Variants in EYA4 observed in about 807,000 individuals in gnomAD.
EYA4 encodes the protein protein phosphatase EYA4.
EYA4 carries 31 observed loss-of-function variants against 87.9 expected under a neutral mutation model. The observed-to-expected ratio is 0.35, with a 90% CI of 0.27 to 0.48. The LOEUF (loss-of-function observed/expected upper bound fraction) is 0.48, where lower values mean the gene tolerates loss of function less well. EYA4 is among the 20% of genes least tolerant of loss of function. The probability of loss-of-function intolerance (pLI) is 0.99; values close to 1 mark genes in which losing one functional copy is unlikely to be tolerated. For synonymous variants in EYA4, 263 were observed against 270.6 expected (o/e 0.97, Z 0.28); for missense variants, 678 against 761.4 (o/e 0.89, Z 1.29).
chr6:133,258,265 C>T (rs1256742196), intron 1 of EYA4, among the ~76,000 whole-genome samples: 1 of 152,182 alleles, frequency 6.6e-6, no homozygotes, highest in Non-Finnish European at 1.5e-5. Context: ...GTATCCACAT[C>T]TCTACCACCT....
rs555600336 is a variant in EYA4 at position 133,530,617 on chromosome 6, G to T, written c.*1812G>T. On this transcript the variant is annotated 3_prime_UTR_variant, in exon 20 of 20. Transcript: ENST00000355286. ...TTGCTCACAGATCACAACATTCACT[G>T]TGGAAATATGATTTCATTTCTTTAG... 2.0e-4 allele frequency: 194 copies of T among 985,560 alleles called. No homozygotes were observed. The highest frequency in any genetic ancestry group is 2.3e-4 in the Non-Finnish European group (189 of 829,844). The allele number at this position is 985,560 out of a possible 1,614,324, so 61.1% of individuals were successfully genotyped here.
intron 5 of EYA4, among the ~76,000 whole-genome samples, chr6:133,454,780 A>G (rs1401783959): frequency 1.3e-5 from 2 of 151,722 alleles, no homozygotes; most frequent in Admixed American, 6.6e-5. Context: ...TGCAGTTTTT[A>G]TTTTCAGTGA....
At chr6:133,303,197 T>A (rs1425184428) in intron 2 of EYA4, among the ~76,000 whole-genome samples, 1 of 152,222 alleles carries the variant, frequency 6.6e-6, no homozygotes, top group Non-Finnish European at 1.5e-5. Flanking sequence ...AGTAGATGCT[T>A]CTTTTAACCA....
At chr6:133,307,221 T>C (rs529874759) in intron 2 of EYA4, among the ~76,000 whole-genome samples, 1 of 152,312 alleles carries the variant, frequency 6.6e-6, no homozygotes, top group Non-Finnish European at 1.5e-5. Context: ...CCGTCTTAGC[T>C]CCCTGAGGTT....
intron 2 of EYA4, among the ~76,000 whole-genome samples, chr6:133,361,268 TA>T (rs1323180751): frequency 1.3e-5 from 2 of 152,320 alleles, no homozygotes; most frequent in Non-Finnish European, 2.9e-5. Context: ...AGAATGATAA[TA>T]AAGATAATGT....
At chr6:133,433,335 A>G (rs187526087) in intron 3 of EYA4, among the ~76,000 whole-genome samples, 1 of 152,212 alleles carries the variant, frequency 6.6e-6, no homozygotes. Flanking sequence ...CTTAGAACAC[A>G]TAGAATTCAG....
chr6:133,457,698 C>T (rs1025172609), intron 6 of EYA4, among the ~76,000 whole-genome samples: 1 of 152,014 alleles, frequency 6.6e-6, no homozygotes, highest in East Asian at 1.9e-4. Flanking sequence ...TGTACTAATC[C>T]ACATCTTTTC....
chr6:133,323,896 A>G (rs1375522891), intron 2 of EYA4, among the ~76,000 whole-genome samples: 4 of 152,182 alleles, frequency 2.6e-5, no homozygotes, highest in African/African-American at 4.8e-5. Flanking sequence ...ATATAGGTCC[A>G]TAAGAAGTGG....
chr6:133,299,486 T>A (rs1323202001), intron 2 of EYA4, among the ~76,000 whole-genome samples: 3 of 151,566 alleles, frequency 2.0e-5, no homozygotes, highest in African/African-American at 7.3e-5. Context: ...CCGAGGTGGG[T>A]GGATCACGAG....
chr6:133,384,977 C>T (rs1264899571), intron 3 of EYA4, among the ~76,000 whole-genome samples: 1 of 151,960 alleles, frequency 6.6e-6, no homozygotes, highest in African/African-American at 2.4e-5. Flanking sequence ...TTAATACATA[C>T]ATATATGGGT....
chr6:133,264,142 C>T (rs527677632), intron 1 of EYA4, among the ~76,000 whole-genome samples: 13 of 152,076 alleles, frequency 8.5e-5, no homozygotes, highest in African/African-American at 2.2e-4. Context: ...GCTGACAGGG[C>T]GAGAGAATGG....
intron 2 of EYA4, among the ~76,000 whole-genome samples, chr6:133,298,287 T>C (rs535517021): frequency 2.6e-5 from 4 of 152,334 alleles, no homozygotes; most frequent in Non-Finnish European, 4.4e-5. Context: ...CTTTATACTT[T>C]GTCTGCTCCA....
chr6:133,476,399 C>T (rs984635459), intron 11 of EYA4, among the ~76,000 whole-genome samples: 3 of 152,114 alleles, frequency 2.0e-5, no homozygotes, highest in African/African-American at 4.8e-5. Flanking sequence ...CAACAGCTCC[C>T]CAGTCTCCCT....
At position 133,462,454 on chromosome 6, in the gene EYA4, A is replaced by G. The variant is rs767996783; in HGVS notation, c.557A>G (p.Gln186Arg). The G allele has an allele frequency of 4.3e-6, 7 of 1,613,964 alleles. No homozygotes were observed. Among genetic ancestry groups the G allele is most frequent in the Non-Finnish European group, 5.9e-6 (7 of 1,179,976 alleles). ...AVYTAYSQTG[Q>R]PYSLPTYDLG... ...TACACAGCCTACTCACAGACAGGACAGCCCTACAGCTTGCCCACTTACGGT... is the reference window on the plus strand; with the variant it reads ...TACACAGCCTACTCACAGACAGGACGGCCCTACAGCTTGCCCACTTACGGT... Residue 186 changes from glutamine (Q) to arginine (R), a missense_variant, in exon 8 of 20, where the codon CAG becomes CGG. Gln to Arg is a conservative substitution (Grantham distance 43). Coordinates refer to ENST00000355286, the MANE Select transcript of EYA4 (RefSeq NM_004100.5).
intron 13 of EYA4, among the ~76,000 whole-genome samples, chr6:133,489,648 A>C (rs1250517688): frequency 2.0e-5 from 3 of 152,242 alleles, no homozygotes; most frequent in Non-Finnish European, 2.9e-5. Context: ...TTTACCCTAG[A>C]ATAGTATATC....
intron 2 of EYA4, among the ~76,000 whole-genome samples, chr6:133,379,874 C>A (rs1786034450): frequency 6.6e-6 from 1 of 152,164 alleles, no homozygotes; most frequent in African/African-American, 2.4e-5. Flanking sequence ...CCTTCTATAG[C>A]ATCTCTACCC....
In EYA4 at chr6:133,377,430, C is replaced by T. The variant is rs141475459; in HGVS notation, c.34-4962C>T. 2.0e-3 allele frequency among the ~76,000 whole-genome samples: 301 copies of T among 152,060 alleles called. 1 individual carries two copies. The highest frequency in any genetic ancestry group is 3.3e-3 in the Non-Finnish European group (227 of 67,936). On this transcript the variant is annotated intron_variant, in intron 2 of 19. Transcript: ENST00000355286. Reference sequence around the variant, plus strand: ...GGTTAGTGGCTCCTGTGTCAAACTGCTTACGTCTAGTTCATCTCTGTGGCT... The same window carrying T: ...GGTTAGTGGCTCCTGTGTCAAACTGTTTACGTCTAGTTCATCTCTGTGGCT...
chr6:133,295,072 A>G (rs980723561), intron 2 of EYA4, among the ~76,000 whole-genome samples: 2 of 152,224 alleles, frequency 1.3e-5, no homozygotes, highest in Non-Finnish European at 2.9e-5. Flanking sequence ...ATATATTTAA[A>G]TGTTTTAAAT....
chr6:133,413,748 A>G (rs756186275), intron 3 of EYA4, among the ~76,000 whole-genome samples: 1 of 152,188 alleles, frequency 6.6e-6, no homozygotes, highest in South Asian at 2.1e-4. Flanking sequence ...TGTTTCCAGC[A>G]TAGATCTCTT....
Sources: gnomAD v4.1 joint callset for allele counts (sites outside exome capture counted in the v4.1 genomes callset) on GRCh38, gnomAD v4.1.1 for gene constraint, MANE v1.5 for transcripts, NCBI Gene and HGNC (gene_info 2026-07-23, HGNC 2026-07-21) for gene names.